Variants in TENM4 observed in about 807,000 individuals in gnomAD.
TENM4 encodes the protein teneurin-4.
TENM4 carries 82 observed loss-of-function variants against 243.3 expected under a neutral mutation model. That is an observed-to-expected ratio of 0.34 (90% CI 0.28 to 0.40). TENM4 has a LOEUF of 0.40. Ranked by LOEUF, TENM4 falls within the 10% of genes least tolerant of loss-of-function variation. The pLI, the probability that TENM4 is intolerant of heterozygous loss-of-function variation, is 1.00. For synonymous variants in TENM4, 1,412 were observed against 1,456.3 expected, an observed-to-expected ratio of 0.97 and a Z score of 0.69; for missense variants, 3,138 against 3,673.3, an observed-to-expected ratio of 0.85 and a Z score of 3.77.
At chr11:79,396,457 G>T (rs1157563721) in intron 1 of TENM4, among the ~76,000 whole-genome samples, 1 of 152,136 alleles carries the variant, frequency 6.6e-6, no homozygotes, top group African/African-American at 2.4e-5. Context: ...CCTCCTAAAA[G>T]TTGAGACAAC....
intron 4 of TENM4, among the ~76,000 whole-genome samples, chr11:79,092,628 G>A (rs57930960): frequency 0.021 from 3,135 of 152,252 alleles, 112 homozygotes; most frequent in African/African-American, 0.065. Flanking sequence ...AAGAGTAGGC[G>A]GCCAGTTCTC....
chr11:79,170,108 G>A (rs913500056), intron 3 of TENM4, among the ~76,000 whole-genome samples: 19 of 151,996 alleles, frequency 1.3e-4, no homozygotes, highest in African/African-American at 4.1e-4. Flanking sequence ...TGGGACCTTG[G>A]GGTTTTTGGA....
At chr11:79,402,315 T>C (rs1359664924) in intron 1 of TENM4, among the ~76,000 whole-genome samples, 3 of 152,220 alleles carry the variant, frequency 2.0e-5, no homozygotes, top group Non-Finnish European at 2.9e-5. Flanking sequence ...AAACACTGAA[T>C]ATCAGTGACA....
intron 6 of TENM4, among the ~76,000 whole-genome samples, chr11:78,914,724 C>T (rs1025411525): frequency 1.3e-5 from 2 of 152,236 alleles, no homozygotes; most frequent in African/African-American, 4.8e-5. Flanking sequence ...CCTCTGGGAA[C>T]TGCCACTGTG....
At chr11:78,994,767 C>G (rs974760159) in intron 6 of TENM4, among the ~76,000 whole-genome samples, 4 of 152,160 alleles carry the variant, frequency 2.6e-5, no homozygotes, top group African/African-American at 9.7e-5. Context: ...GAAAGAGTAT[C>G]AATCTCTGTT....
At chr11:79,185,695 G>A (rs1467926800) in intron 3 of TENM4, among the ~76,000 whole-genome samples, 1 of 152,160 alleles carries the variant, frequency 6.6e-6, no homozygotes, top group East Asian at 1.9e-4. Flanking sequence ...AGGTGCAATT[G>A]TCTATGCCTA....
chr11:79,343,524 T>TAAC (rs1387361227), intron 1 of TENM4, among the ~76,000 whole-genome samples: 1 of 152,150 alleles, frequency 6.6e-6, no homozygotes, highest in Non-Finnish European at 1.5e-5. Flanking sequence ...GTAGCAATGT[T>TAAC]AACCTATATA....
intron 15 of TENM4, among the ~76,000 whole-genome samples, chr11:78,795,218 T>C (rs1276558263): frequency 1.3e-5 from 2 of 152,204 alleles, no homozygotes; most frequent in East Asian, 3.8e-4. Flanking sequence ...TGGATCTCCC[T>C]TTCTCAGGGT....
At chr11:78,881,245 T>C (rs951615130) in intron 9 of TENM4, among the ~76,000 whole-genome samples, 1 of 152,048 alleles carries the variant, frequency 6.6e-6, no homozygotes, top group African/African-American at 2.4e-5. Context: ...ACAGATGTCA[T>C]CCCGCTGCCT....
At chr11:79,090,691 T>A (rs1860924332) in intron 4 of TENM4, among the ~76,000 whole-genome samples, 1 of 152,146 alleles carries the variant, frequency 6.6e-6, no homozygotes. Context: ...TTTTGGCACT[T>A]AAGAGGTAAG....
At chr11:78,948,321 A>G (rs1857044703) in intron 6 of TENM4, among the ~76,000 whole-genome samples, 1 of 152,106 alleles carries the variant, frequency 6.6e-6, no homozygotes, top group Non-Finnish European at 1.5e-5. Context: ...ATTATTCCAT[A>G]TCACCTAACA....
chr11:79,327,204 G>A (rs1356121510), intron 1 of TENM4, among the ~76,000 whole-genome samples: 1 of 152,216 alleles, frequency 6.6e-6, no homozygotes, highest in African/African-American at 2.4e-5. Flanking sequence ...AAGTGCCATA[G>A]AAATAGATAA....
chr11:79,091,751 C>T (rs1255686908), intron 4 of TENM4, among the ~76,000 whole-genome samples: 2 of 152,224 alleles, frequency 1.3e-5, no homozygotes, highest in Non-Finnish European at 2.9e-5. Context: ...TTCACATCCT[C>T]ACACCTGATG....
chr11:79,087,337 C>G (rs1860831782), intron 4 of TENM4, among the ~76,000 whole-genome samples: 1 of 152,156 alleles, frequency 6.6e-6, no homozygotes, highest in African/African-American at 2.4e-5. Flanking sequence ...ATTAACTACC[C>G]CCCAGTTAGA....
intron 1 of TENM4, among the ~76,000 whole-genome samples, chr11:79,348,130 G>C (rs1396670651): frequency 6.6e-6 from 1 of 152,102 alleles, no homozygotes; most frequent in African/African-American, 2.4e-5. Flanking sequence ...CAGGATACCT[G>C]GACAAAACCA....
Position 78,725,991 on chromosome 11 carries a change from A to G in TENM4, c.3550+88T>C. 1.9e-6 allele frequency: 3 copies of G among 1,546,014 alleles called. No individual in the cohort carries two copies. The South Asian group carries it at 3.7e-5, about 19-fold the overall frequency. Reference sequence around the variant, plus strand: ...CACATAGGAGCCTATGGGATTCAAAATGTGAATTTTTTGTTTGGCAGGGCA... The same window carrying G: ...CACATAGGAGCCTATGGGATTCAAAGTGTGAATTTTTTGTTTGGCAGGGCA... On this transcript the variant is annotated intron_variant, in intron 23 of 33. Transcript: ENST00000278550.
intron 1 of TENM4, among the ~76,000 whole-genome samples, chr11:79,355,760 T>C (rs147487968): frequency 1.1e-3 from 167 of 152,254 alleles, no homozygotes; most frequent in African/African-American, 3.9e-3. Flanking sequence ...AGAGGAAAAC[T>C]GAGACTAGAA....
rs1254787130 is a variant in TENM4 at position 78,711,913 on chromosome 11, GT to G, written c.4054+568del. On this transcript the variant is annotated intron_variant, in intron 26 of 33. Coordinates refer to ENST00000278550, the MANE Select transcript of TENM4 (RefSeq NM_001098816.3). ...AAACTTATCTATGCAACCACTCTATGTACTTGAATATTTGCTGAATAAGCGA... is the reference window on the plus strand; with the variant it reads ...AAACTTATCTATGCAACCACTCTATGACTTGAATATTTGCTGAATAAGCGA... Among the ~76,000 whole-genome samples, 15 of 152,296 alleles carry G rather than the reference GT, an allele frequency of 9.8e-5. No individual in the cohort carries two copies. In the East Asian group the frequency reaches 2.9e-3, roughly 29 times the overall value.
intron 3 of TENM4, among the ~76,000 whole-genome samples, chr11:79,207,028 A>G (rs1369592129): frequency 6.6e-6 from 1 of 152,162 alleles, no homozygotes; most frequent in East Asian, 1.9e-4. Context: ...GGACATCTAG[A>G]AATGCCCCCA....
Sources: allele counts gnomAD v4.1 joint callset (sites outside exome capture counted in the v4.1 genomes callset), GRCh38; gene constraint gnomAD v4.1.1; transcripts MANE v1.5; gene names NCBI Gene and HGNC (gene_info 2026-07-23, HGNC 2026-07-21).